The following ZNF442 variants were observed in gnomAD, a reference collection of about 807,000 sequenced individuals.
The protein encoded by ZNF442 is zinc finger protein 442.
ZNF442 carries 45 observed loss-of-function variants against 57.0 expected under a neutral mutation model. The observed-to-expected ratio is 0.79, with a 90% CI of 0.62 to 1.01. The LOEUF (loss-of-function observed/expected upper bound fraction) is 1.01. ZNF442 is among the 50% of genes least tolerant of loss of function. The pLI, the probability that ZNF442 is intolerant of heterozygous loss-of-function variation, is 0.00. For missense variants in ZNF442, 690 were observed against 756.5 expected (o/e 0.91, Z 1.03); for synonymous variants, 213 against 241.8 (o/e 0.88, Z 1.10).
At chr19:12,371,624 G>A in the ZNF442 span, among the ~76,000 whole-genome samples, 1 of 152,190 alleles carries the variant, frequency 6.6e-6, no homozygotes, top group South Asian at 2.1e-4. Context: ...GAATAGAATG[G>A]AGTCCAGAAA....
intron 3 of ZNF442, 123 bp downstream of exon 3, chr19:12,363,431 G>T: frequency 2.3e-6 from 2 of 862,714 alleles, no homozygotes; most frequent in Non-Finnish European, 3.9e-6. Flanking sequence ...TCAGTAAAGT[G>T]CTCAGTGACC....
chr19:12,368,499 T>A (rs1205420041), upstream of ZNF442, among the ~76,000 whole-genome samples: 1 of 152,198 alleles, frequency 6.6e-6, no homozygotes, highest in East Asian at 1.9e-4. Flanking sequence ...CGGGGTCCCT[T>A]AGTTCCCGCA....
intron 3 of ZNF442, among the ~76,000 whole-genome samples, chr19:12,362,903 G>A (rs1969460896): frequency 6.6e-6 from 1 of 151,592 alleles, no homozygotes; most frequent in Admixed American, 6.6e-5. Context: ...AAAAAAATTG[G>A]AGGCTGAGGA....
rs540313574 is a variant in ZNF442 at position 12,347,330 on chromosome 19, C to G, written c.*2371G>C. 1 of 152,250 alleles carries G rather than the reference C, an allele frequency of 6.6e-6. No individual in the cohort carries two copies. The highest frequency in any genetic ancestry group is 1.9e-4 in the East Asian group (1 of 5,188). 9.4% of individuals were successfully genotyped at this position (152,250 alleles called of 1,614,324 possible). A position where few individuals can be genotyped will look rare whatever the true frequency, so the allele number is the denominator to read the frequency against. On this transcript the variant is annotated 3_prime_UTR_variant, in exon 6 of 6. Coordinates refer to ENST00000242804, the MANE Select transcript of ZNF442 (RefSeq NM_030824.3). ...TTGAAATACCTTCTTCTGGAGGCTTCCAGGAGAAGAAACCCATGTTTTCCT... is the reference window on the plus strand; with the variant it reads ...TTGAAATACCTTCTTCTGGAGGCTTGCAGGAGAAGAAACCCATGTTTTCCT...
upstream of ZNF442, among the ~76,000 whole-genome samples, chr19:12,366,640 AT>A (rs779161239): frequency 2.6e-5 from 4 of 151,598 alleles, no homozygotes; most frequent in Non-Finnish European, 4.4e-5. Flanking sequence ...TTTTTATTTT[AT>A]TTTTTTGGAG....
At chr19:12,360,805 G>A (rs747223479) in intron 3 of ZNF442, among the ~76,000 whole-genome samples, 85 of 152,172 alleles carry the variant, frequency 5.6e-4, no homozygotes, top group Non-Finnish European at 4.3e-4. Flanking sequence ...ACATAAACCT[G>A]AGAGGTGATG....
chr19:12,372,964 G>C, the ZNF442 span, among the ~76,000 whole-genome samples: 1 of 152,186 alleles, frequency 6.6e-6, no homozygotes, highest in African/African-American at 2.4e-5. Flanking sequence ...AGTAGAGACA[G>C]GGTTTCACCA....
At chr19:12,366,461 TTTC>T (rs985982681), upstream of ZNF442, among the ~76,000 whole-genome samples, 9 of 152,110 alleles carry the variant, frequency 5.9e-5, no homozygotes, top group East Asian at 1.9e-4. Context: ...AAACCTTTTT[TTTC>T]TTCTTCTTTC....
At chr19:12,373,677 C>A in the ZNF442 span, 1 of 304,914 alleles carries the variant, frequency 3.3e-6, no homozygotes. Context: ...TCAATATGTG[C>A]CGCCAGTGTT....
chr19:12,363,660 A>G lies in ZNF442; in HGVS notation c.-29T>C, dbSNP rs1969478692. 5.6e-6 allele frequency: 9 copies of G among 1,604,368 alleles called. No homozygotes were observed. The African/African-American group carries it at 1.2e-4, about 21-fold the overall frequency. On this transcript the variant is annotated 5_prime_UTR_variant, in exon 3 of 6. Coordinates refer to ENST00000242804, the MANE Select transcript of ZNF442 (RefSeq NM_030824.3). ...ACTGGCTGACCAGCCGTGTGTCCCCAAGGAATGGAAACTGGGGTTGGGGAA... is the reference window on the plus strand; with the variant it reads ...ACTGGCTGACCAGCCGTGTGTCCCCGAGGAATGGAAACTGGGGTTGGGGAA...
At chr19:12,358,845 A>G (rs1400039355) in intron 3 of ZNF442, among the ~76,000 whole-genome samples, 1 of 152,220 alleles carries the variant, frequency 6.6e-6, no homozygotes, top group Non-Finnish European at 1.5e-5. Flanking sequence ...TGTCACAACC[A>G]ATCAGCCACC....
Position 12,350,243 on chromosome 19 carries a change from G to C in ZNF442, c.1342C>G (p.Leu448Val), listed in dbSNP as rs547122580. ...GTGTGAGTTGTTTCATGTCTTCGAA[G>C]GGAACTAGAAATACGGAAGGCTTTA... ...CGKAFRISSS[L>V]RRHETTHTGE... Residue 448 changes from leucine (L) to valine (V), a missense_variant, in exon 6 of 6, where the codon CTT becomes GTT. Transcript: ENST00000242804. The C allele has an allele frequency of 1.9e-6, 3 of 1,613,452 alleles. No homozygotes were observed. Among genetic ancestry groups the C allele is most frequent in the Non-Finnish European group, 2.5e-6 (3 of 1,179,942 alleles).
At chr19:12,354,855 C>T (rs956169565) in intron 3 of ZNF442, among the ~76,000 whole-genome samples, 24 of 152,144 alleles carry the variant, frequency 1.6e-4, no homozygotes, top group African/African-American at 9.7e-5. Context: ...GTACGCAATA[C>T]GTATGACAGA....
At position 12,349,846 on chromosome 19, in the gene ZNF442, G is replaced by A. The variant is rs1333785405; in HGVS notation, c.1739C>T (p.Ala580Val). 1 of 1,613,848 alleles carries A rather than the reference G, an allele frequency of 6.2e-7. No individual in the cohort carries two copies. The highest frequency in any genetic ancestry group is 1.1e-5 in the South Asian group (1 of 91,056). The change falls in exon 6 of 6, where the codon GCC becomes GTC. Residue 580 changes from alanine (A) to valine (V), a missense_variant. Coordinates refer to ENST00000242804, the MANE Select transcript of ZNF442 (RefSeq NM_030824.3). Reference protein sequence around the residue: ...KSYECQQCGKAFTRSRFLRGH... With the variant: ...KSYECQQCGKVFTRSRFLRGH... The stretch of plus-strand genomic sequence containing the variant: ...TCGAAGGAAACGAGAACGAGTGAAG[G>A]CTTTACCACATTGTTGACATTCATA...
At chr19:12,354,423 A>G (rs1400389340) in intron 3 of ZNF442, among the ~76,000 whole-genome samples, 1 of 152,268 alleles carries the variant, frequency 6.6e-6, no homozygotes, top group Non-Finnish European at 1.5e-5. Context: ...ATGAATATCG[A>G]TAATATTCCC....
the ZNF442 span, among the ~76,000 whole-genome samples, chr19:12,372,593 G>A: frequency 0.014 from 2,135 of 152,222 alleles, 17 homozygotes; most frequent in Non-Finnish European, 0.024. Context: ...TGTGTCAAGA[G>A]AACTTATTTA....
intron 3 of ZNF442, among the ~76,000 whole-genome samples, chr19:12,363,223 C>T (rs888854230): frequency 1.6e-4 from 23 of 145,168 alleles, no homozygotes; most frequent in Admixed American, 5.5e-4. Flanking sequence ...TGAAATCTAA[C>T]TATTTCTGGC....
Position 12,352,120 on chromosome 19 carries a change from A to G in ZNF442, c.206-50T>C, listed in dbSNP as rs946405442. The G allele has an allele frequency of 1.9e-6, 3 of 1,548,374 alleles. No homozygotes were observed. In the African/African-American group the frequency reaches 4.1e-5, roughly 21 times the overall value. On this transcript the variant is annotated intron_variant, in intron 4 of 5. Coordinates refer to ENST00000242804, the MANE Select transcript of ZNF442 (RefSeq NM_030824.3). ...ACTGTAGATTATTATAAAATTCTAAAAACACTACAAGATTTTATGTACAAT... is the reference window on the plus strand; with the variant it reads ...ACTGTAGATTATTATAAAATTCTAAGAACACTACAAGATTTTATGTACAAT...
Position 12,349,415 on chromosome 19 carries a change from C to A in ZNF442, c.*286G>T. ...CTTTTTATTTTTACTTTTACAAAAG[C>A]TTTGGGTTGGTGAAAAATTAAGTAA... is the stretch of plus-strand genomic sequence containing the variant. On this transcript the variant is annotated 3_prime_UTR_variant, in exon 6 of 6. Coordinates refer to ENST00000242804, the MANE Select transcript of ZNF442 (RefSeq NM_030824.3). The A allele has an allele frequency of 4.1e-6, 1 of 245,926 alleles. No individual in the cohort carries two copies. The highest frequency in any genetic ancestry group is 7.7e-6 in the Non-Finnish European group (1 of 129,152). 15.2% of individuals were successfully genotyped at this position (245,926 alleles called of 1,614,324 possible). A position where few individuals can be genotyped will look rare whatever the true frequency, so the allele number is the denominator to read the frequency against.
Sources: allele counts gnomAD v4.1 joint callset (sites outside exome capture counted in the v4.1 genomes callset), GRCh38; gene constraint gnomAD v4.1.1; transcripts MANE v1.5; gene names NCBI Gene and HGNC (gene_info 2026-07-23, HGNC 2026-07-21).